The following VPS13B variants were observed in gnomAD, a reference collection of about 807,000 sequenced individuals.
VPS13B encodes vacuolar protein sorting 13 homolog B.
A neutral mutation model predicts 426.4 loss-of-function variants in VPS13B; 285 were observed. That is an observed-to-expected ratio of 0.67 (90% CI 0.61 to 0.74). The LOEUF is 0.74. Ranked by LOEUF, VPS13B falls within the 30% of genes least tolerant of loss-of-function variation. The probability of loss-of-function intolerance (pLI) is 0.00; values close to 1 mark genes in which losing one functional copy is unlikely to be tolerated. For missense variants in VPS13B, 4,537 were observed against 4,782.6 expected (o/e 0.95, Z 1.51); for synonymous variants, 1,676 against 1,676.4 (o/e 1.00, Z 0.01).
intron 3 of VPS13B, among the ~76,000 whole-genome samples, chr8:99,067,754 C>G (rs981872022): frequency 2.0e-5 from 3 of 152,184 alleles, no homozygotes; most frequent in African/African-American, 7.2e-5. Context: ...ACCTTTACTT[C>G]AATTCCTTAA....
chr8:99,405,931 C>T (rs2133346084), intron 21 of VPS13B, among the ~76,000 whole-genome samples: 1 of 152,136 alleles, frequency 6.6e-6, no homozygotes, highest in South Asian at 2.1e-4. Flanking sequence ...AGGCACCCAC[C>T]ACCAACACCA....
chr8:99,301,380 A>G (rs550427615), intron 19 of VPS13B, among the ~76,000 whole-genome samples: 1 of 150,346 alleles, frequency 6.7e-6, no homozygotes, highest in East Asian at 2.0e-4. Context: ...CGCAACCTCC[A>G]CCTTCCAGGT....
chr8:99,840,472 C>T (rs560544438), intron 54 of VPS13B, among the ~76,000 whole-genome samples: 2 of 152,108 alleles, frequency 1.3e-5, no homozygotes, highest in African/African-American at 2.4e-5. Flanking sequence ...ATGTGGTGAG[C>T]GTGCATTCTA....
intron 3 of VPS13B, among the ~76,000 whole-genome samples, chr8:99,056,027 C>A (rs1250289450): frequency 6.6e-6 from 1 of 151,220 alleles, no homozygotes; most frequent in Non-Finnish European, 1.5e-5. Flanking sequence ...GGGTATGAGC[C>A]ACCATGCTTA....
At chr8:99,646,379 A>G (rs539657582) in intron 34 of VPS13B, among the ~76,000 whole-genome samples, 10 of 152,090 alleles carry the variant, frequency 6.6e-5, no homozygotes, top group African/African-American at 2.2e-4. Context: ...TGTAATTGCC[A>G]CCAGTTGCAG....
chr8:99,782,031 AG>A (rs1206898594), intron 42 of VPS13B, among the ~76,000 whole-genome samples: 1 of 152,230 alleles, frequency 6.6e-6, no homozygotes, highest in Non-Finnish European at 1.5e-5. Context: ...AGGATTGGAT[AG>A]GACAGACTAG....
intron 30 of VPS13B, among the ~76,000 whole-genome samples, chr8:99,532,255 A>G (rs2133698012): frequency 6.6e-6 from 1 of 152,276 alleles, no homozygotes. Flanking sequence ...TTTTTTGCAG[A>G]CATTTGCTAA....
intron 36 of VPS13B, among the ~76,000 whole-genome samples, chr8:99,701,479 T>C (rs1254951138): frequency 6.6e-6 from 1 of 152,214 alleles, no homozygotes; most frequent in Non-Finnish European, 1.5e-5. Context: ...TGTCTGTCTT[T>C]GGGAAACACC....
chr8:99,615,176 T>G (rs1211881604), intron 33 of VPS13B, among the ~76,000 whole-genome samples: 1 of 151,794 alleles, frequency 6.6e-6, no homozygotes, highest in Non-Finnish European at 1.5e-5. Context: ...GAAGTTTTCA[T>G]GTCTTCTAAA....
At chr8:99,379,518 G>A (rs1003998706) in intron 19 of VPS13B, among the ~76,000 whole-genome samples, 3 of 151,860 alleles carry the variant, frequency 2.0e-5, no homozygotes, top group African/African-American at 7.3e-5. Flanking sequence ...ATTATTTATT[G>A]ACTTCTTACT....
intron 30 of VPS13B, among the ~76,000 whole-genome samples, chr8:99,555,721 T>A (rs1186463301): frequency 2.6e-5 from 4 of 152,170 alleles, no homozygotes; most frequent in Non-Finnish European, 5.9e-5. Context: ...AATTTTTATG[T>A]ATTTACTTCC....
intron 4 of VPS13B, among the ~76,000 whole-genome samples, chr8:99,097,615 G>C (rs1384791921): frequency 2.0e-5 from 3 of 151,790 alleles, no homozygotes; most frequent in African/African-American, 7.3e-5. Context: ...ATGAAACAGA[G>C]GCAAGACAGA....
At chr8:99,726,959 A>T (rs890045571) in intron 39 of VPS13B, among the ~76,000 whole-genome samples, 5 of 152,208 alleles carry the variant, frequency 3.3e-5, no homozygotes, top group Non-Finnish European at 7.3e-5. Context: ...TTTTTGCTCC[A>T]GTGGGCATTT....
At chr8:99,281,512 C>G (rs1020869477) in intron 19 of VPS13B, among the ~76,000 whole-genome samples, 3 of 152,182 alleles carry the variant, frequency 2.0e-5, no homozygotes, top group Non-Finnish European at 4.4e-5. Flanking sequence ...GGTTCCTTAA[C>G]TTCGGGTTCA....
intron 35 of VPS13B, among the ~76,000 whole-genome samples, chr8:99,667,895 G>C (rs1830550600): frequency 6.6e-6 from 1 of 152,106 alleles, no homozygotes; most frequent in African/African-American, 2.4e-5. Context: ...AGGATACTAA[G>C]AGGAATGTCA....
intron 23 of VPS13B, among the ~76,000 whole-genome samples, chr8:99,449,651 A>T (rs1252405765): frequency 4.6e-5 from 7 of 152,096 alleles, no homozygotes. Flanking sequence ...GTGAGGAAAA[A>T]CTGTGAGGCA....
chr8:99,168,490 C>G (rs534237141), intron 15 of VPS13B, among the ~76,000 whole-genome samples: 4 of 151,962 alleles, frequency 2.6e-5, no homozygotes, highest in South Asian at 4.2e-4. Context: ...ATTCATAACT[C>G]GAAATATTTG....
chr8:99,051,410 C>T (rs1843545048), intron 3 of VPS13B, among the ~76,000 whole-genome samples: 1 of 151,226 alleles, frequency 6.6e-6, no homozygotes. Context: ...GGTACCAGTA[C>T]CATGCTGTTT....
chr8:99,562,701 AT>A (rs1824994383), intron 31 of VPS13B, among the ~76,000 whole-genome samples: 1 of 152,038 alleles, frequency 6.6e-6, no homozygotes, highest in Non-Finnish European at 1.5e-5. Flanking sequence ...TTATAATGGA[AT>A]TTTTTTGTTT....
Sources: allele counts gnomAD v4.1 joint callset (sites outside exome capture counted in the v4.1 genomes callset), GRCh38; gene constraint gnomAD v4.1.1; transcripts MANE v1.5; gene names NCBI Gene and HGNC (gene_info 2026-07-23, HGNC 2026-07-21).